NMRK2: variants seen among roughly 807,000 people sequenced by gnomAD.
The protein encoded by NMRK2 is nicotinamide riboside kinase 2, also known as NRK 2.
Under a neutral mutation model 24.7 loss-of-function variants are expected in NMRK2, and 34 were observed. That is an observed-to-expected ratio of 1.37 (90% confidence interval 1.05 to 1.83). The LOEUF (loss-of-function observed/expected upper bound fraction) is 1.83. NMRK2 is among the 40% of genes most tolerant of loss of function. The pLI, the probability that NMRK2 is intolerant of heterozygous loss-of-function variation, is 0.00. For synonymous variants in NMRK2, 145 were observed against 125.6 expected (o/e 1.15, Z -1.03); for missense variants, 341 against 315.0 (o/e 1.08, Z -0.62).
intron 2 of NMRK2, among the ~76,000 whole-genome samples, chr19:3,935,102 C>T (rs1485752922): frequency 1.3e-5 from 2 of 151,978 alleles, no homozygotes; most frequent in Admixed American, 1.3e-4. Context: ...CTAGGCTGGT[C>T]TGAAACTCCC....
Position 3,938,757 on chromosome 19 carries a change from C to T in NMRK2, c.321C>T (p.Tyr107=). 6.4e-7 allele frequency: 1 copy of T among 1,552,822 alleles called. No individual in the cohort carries two copies. Among genetic ancestry groups the T allele is most frequent in the Non-Finnish European group, 8.8e-7 (1 of 1,142,808 alleles). Residue 107 remains tyrosine (Y), a splice_region_variant and synonymous_variant, in exon 5 of 8, where the codon TAC becomes TAT. Coordinates refer to ENST00000168977, the MANE Select transcript of NMRK2 (RefSeq NM_170678.3). ...LLLEGFLLYS[Y]KPLVDLYSRR... ...TGGAAGGCTTCCTGCTCTACAGCTACAAGTAAACATCTGCAGGCTCTGGCC... is the reference window on the plus strand; with the variant it reads ...TGGAAGGCTTCCTGCTCTACAGCTATAAGTAAACATCTGCAGGCTCTGGCC...
intron 6 of NMRK2, among the ~76,000 whole-genome samples, 178 bp from the exon 7 acceptor site, chr19:3,940,893 G>T (rs997561793): frequency 6.6e-6 from 1 of 152,138 alleles, no homozygotes; most frequent in Non-Finnish European, 1.5e-5. Context: ...GGCATCTCCC[G>T]GACCCACAGG....
In NMRK2 at chr19:3,935,682, CG is replaced by C. The variant is rs371185964; in HGVS notation, c.27-892del. On this transcript the variant is annotated intron_variant, in intron 2 of 7. Transcript: ENST00000168977. The stretch of plus-strand genomic sequence containing the variant: ...GCAGCCTCGAACTCCCAGGCTCAGG[CG>C]ATCCTCCCATCTCAGCCTCCCAAGT... Among the ~76,000 whole-genome samples, 78 of 152,036 alleles carry C rather than the reference CG, an allele frequency of 5.1e-4. No homozygotes were observed. The East Asian group carries it at 7.8e-3, about 15-fold the overall frequency.
In NMRK2 at chr19:3,942,300, G is replaced by A. The variant is rs749121819; in HGVS notation, c.*27G>A. 42 of 1,564,760 alleles carry A rather than the reference G, an allele frequency of 2.7e-5. No homozygotes were observed. The highest frequency in any genetic ancestry group is 1.3e-4 in the Admixed American group (7 of 53,334). ...CGTTTCCCTATGGGGGTGTCTGTACGTAGGAGAGTGGAGGCCCCACTCCCA... is the reference window on the plus strand; with the variant it reads ...CGTTTCCCTATGGGGGTGTCTGTACATAGGAGAGTGGAGGCCCCACTCCCA... On this transcript the variant is annotated 3_prime_UTR_variant, in exon 8 of 8. Transcript: ENST00000168977.
rs1012434329 is a variant in NMRK2 at position 3,937,225 on chromosome 19, G to C, written c.118-15G>C. 2.5e-6 allele frequency: 4 copies of C among 1,612,850 alleles called. No individual in the cohort carries two copies. The highest frequency in any genetic ancestry group is 1.7e-6 in the Non-Finnish European group (2 of 1,179,394). The stretch of plus-strand genomic sequence containing the variant: ...ACCGGGCACTGAGCCCGAGGTTCAG[G>C]CTCCTCTGTTTCAGCCCCAAGACCA... On this transcript the variant is annotated splice_polypyrimidine_tract_variant and intron_variant, in intron 3 of 7. Transcript: ENST00000168977.
Position 3,936,651 on chromosome 19 carries a change from G to T in NMRK2, c.103G>T (p.Asp35Tyr). ...GCCCAACTGCTGCGTGATCCATCAG[G>T]ATGACTTCTTCAAGGTGCCCGCCCT... is the stretch of plus-strand genomic sequence containing the variant. ...ALPNCCVIHQDDFFKPQDQIA... is the reference protein window; with the variant it reads ...ALPNCCVIHQYDFFKPQDQIA... Residue 35 changes from aspartate to tyrosine, a missense_variant, in exon 3 of 8, where the codon GAT (aspartate) becomes TAT (tyrosine). By Grantham distance (160) the Asp-to-Tyr change is radical. Transcript: ENST00000168977. The T allele has an allele frequency of 6.4e-7, 1 of 1,568,766 alleles. No individual in the cohort carries two copies.
chr19:3,934,741 TGTCTA>T (rs2039184619), intron 2 of NMRK2, among the ~76,000 whole-genome samples: 1 of 151,494 alleles, frequency 6.6e-6, no homozygotes. Context: ...ACCACATGCC[TGTCTA>T]AACTTTGTGT....
chr19:3,936,752 G>A, intron 3 of NMRK2, 87 bp downstream of exon 3: 1 of 1,125,294 alleles, frequency 8.9e-7, no homozygotes, highest in Non-Finnish European at 1.3e-6. Flanking sequence ...CCACTGCCCA[G>A]TGCCCGTGTG....
chr19:3,933,695 A>G lies in NMRK2; in HGVS notation c.24A>G (p.Gly8=). The change falls in exon 2 of 8, where the codon GGA becomes GGG. Residue 8 remains glycine (G), a splice_region_variant and synonymous_variant. Coordinates refer to ENST00000168977, the MANE Select transcript of NMRK2 (RefSeq NM_170678.3). ...GCATGAAGCTCATCGTGGGCATCGG[A>G]GGGTGAGCGCCGGGGGACCTGGTGG... is the stretch of plus-strand genomic sequence containing the variant. MKLIVGI[G]GMTNGGKTTL... is the part of the protein sequence containing the mutation. 17 of 1,462,112 alleles carry G rather than the reference A, an allele frequency of 1.2e-5. No homozygotes were observed. The highest frequency in any genetic ancestry group is 1.4e-5 in the Non-Finnish European group (16 of 1,107,238). The allele number at this position is 1,462,112 out of a possible 1,614,324, so 90.6% of individuals were successfully genotyped here. A position where few individuals can be genotyped will look rare whatever the true frequency, so the allele number is the denominator to read the frequency against.
Position 3,933,582 on chromosome 19 carries a change from T to C in NMRK2, c.-90T>C, listed in dbSNP as rs1478447427. 2 of 1,455,488 alleles carry C rather than the reference T, an allele frequency of 1.4e-6. No individual in the cohort carries two copies. Among genetic ancestry groups the C allele is most frequent in the African/African-American group, 1.5e-5 (1 of 68,104 alleles). 90.2% of individuals were successfully genotyped at this position (1,455,488 alleles called of 1,614,324 possible). A position where few individuals can be genotyped will look rare whatever the true frequency, so the allele number is the denominator to read the frequency against. On this transcript the variant is annotated 5_prime_UTR_variant, in exon 2 of 8. The change abolishes an upstream ATG in the 5' untranslated region. Coordinates refer to ENST00000168977, the MANE Select transcript of NMRK2 (RefSeq NM_170678.3). ...CTATAAAGGCGCCAGGTTTTCTCAA[T>C]GAAGCCGGGACGCACTCCGGAGCGC...
rs977536209 is a variant in NMRK2 at position 3,933,567 on chromosome 19, G to T, written c.-105G>T. ...CCAGGCTGCCGAGACCTATAAAGGC[G>T]CCAGGTTTTCTCAATGAAGCCGGGA... On this transcript the variant is annotated 5_prime_UTR_variant, in exon 2 of 8. Transcript: ENST00000168977. 1.6e-5 allele frequency: 22 copies of T among 1,389,670 alleles called. No individual in the cohort carries two copies. The highest frequency in any genetic ancestry group is 3.0e-5 in the African/African-American group (2 of 66,682). 86.1% of individuals were successfully genotyped at this position (1,389,670 alleles called of 1,614,324 possible).
At chr19:3,938,819 CTTGTTT>C in intron 5 of NMRK2, 60 bp downstream of exon 5, 1 of 330,210 alleles carries the variant, frequency 3.0e-6, no homozygotes, top group Non-Finnish European at 4.7e-6. Context: ...ATAGCCATCT[CTTGTTT>C]TTTTTTTTTT....
At chr19:3,939,857 G>A (rs757731623) in intron 5 of NMRK2, 43 bp from the exon 6 acceptor site, 3 of 1,569,200 alleles carry the variant, frequency 1.9e-6, no homozygotes, top group African/African-American at 2.7e-5. Flanking sequence ...GCGGTTGAAG[G>A]AAAGCTCACA....
intron 2 of NMRK2, among the ~76,000 whole-genome samples, chr19:3,934,567 G>T (rs564642195): frequency 2.3e-5 from 3 of 129,208 alleles, no homozygotes; most frequent in African/African-American, 5.3e-5. Flanking sequence ...TTTTTTTTTG[G>T]GGGGGGGGTG....
At chr19:3,934,153 TG>T (rs2039170592) in intron 2 of NMRK2, among the ~76,000 whole-genome samples, 1 of 151,284 alleles carries the variant, frequency 6.6e-6, no homozygotes, top group Non-Finnish European at 1.5e-5. Flanking sequence ...GAGGCTGAGG[TG>T]GGAGAATCGC....
chr19:3,935,669 T>G (rs1051268985), intron 2 of NMRK2, among the ~76,000 whole-genome samples: 1 of 151,912 alleles, frequency 6.6e-6, no homozygotes. Flanking sequence ...AGCCTCGAAC[T>G]CCCAGGCTCA....
intron 3 of NMRK2, 114 bp from the exon 4 acceptor site, chr19:3,937,126 A>T: frequency 1.0e-6 from 1 of 973,978 alleles, no homozygotes; most frequent in Non-Finnish European, 1.6e-6. Flanking sequence ...CAGAGCCCCC[A>T]CGCCTCAGGG....
rs1472220193 is a variant in NMRK2, at chr19:3,936,663, A to G, written c.115A>G (p.Lys39Glu). Residue 39 changes from lysine to glutamate, a missense_variant and splice_region_variant, in exon 3 of 8, where the codon AAG becomes GAG. Physicochemically the swap from Lys to Glu is moderately conservative, Grantham distance 56. Transcript: ENST00000168977. ...CCVIHQDDFFKPQDQIAVGED... is the reference protein window; with the variant it reads ...CCVIHQDDFFEPQDQIAVGED... ...CGTGATCCATCAGGATGACTTCTTC[A>G]AGGTGCCCGCCCTTGCCCGGGGAGG... is the stretch of plus-strand genomic sequence containing the variant. 1.9e-6 allele frequency: 3 copies of G among 1,562,580 alleles called. No individual in the cohort carries two copies. Among genetic ancestry groups the G allele is most frequent in the South Asian group, 2.4e-5 (2 of 84,774 alleles).
At chr19:3,934,407 G>T (rs2039175184) in intron 2 of NMRK2, among the ~76,000 whole-genome samples, 1 of 152,128 alleles carries the variant, frequency 6.6e-6, no homozygotes, top group Non-Finnish European at 1.5e-5. Flanking sequence ...GCCTCTCTCA[G>T]GCGACCTCAG....
Sources: allele counts gnomAD v4.1 joint callset (sites outside exome capture counted in the v4.1 genomes callset), GRCh38; gene constraint gnomAD v4.1.1; transcripts MANE v1.5; gene names NCBI Gene and HGNC (gene_info 2026-07-23, HGNC 2026-07-21).